FAM3A: variants seen among roughly 807,000 people sequenced by gnomAD.
FAM3A encodes the protein protein FAM3A.
A neutral mutation model predicts 18.1 loss-of-function variants in FAM3A; 5 were observed. The ratio of observed to expected loss-of-function variants is 0.28; its 90% CI spans 0.14 to 0.58. FAM3A has a LOEUF of 0.58. FAM3A is among the 20% of genes least tolerant of loss of function. The pLI is 0.91. For synonymous variants in FAM3A, 108 were observed against 90.2 expected (o/e 1.20, Z -1.12); for missense variants, 154 against 216.6 (o/e 0.71, Z 1.81).
chrX:154,512,227 CAATAATAATAATAATAATAATAAT>C lies in FAM3A; in HGVS notation c.128-380_128-357del, dbSNP rs782325424. 1.1e-4 allele frequency: 16 copies of C among 148,954 alleles called. 1 individual carries two copies. The highest frequency in any genetic ancestry group is 9.6e-4 in the East Asian group (4 of 4,160). 12.3% of individuals were successfully genotyped at this position (148,954 alleles called of 1,213,427 possible). On this transcript the variant is annotated intron_variant, in intron 2 of 8. Transcript: ENST00000447601. ...TGAAACCCCATCTCTACTAAAAATA[CAATAATAATAATAATAATAATAAT>C]AATAATAATAATAATAAGAAGAAGA...
Position 154,511,967 on chromosome X carries a change from C to T in FAM3A, c.128-96G>A. On this transcript the variant is annotated intron_variant, in intron 2 of 8. Transcript: ENST00000447601. ...TTACACCGCGAAGTGTAGACACAGGCAGTCAGGCTCAGGGGCCGGGGGCTA... is the reference window on the plus strand; with the variant it reads ...TTACACCGCGAAGTGTAGACACAGGTAGTCAGGCTCAGGGGCCGGGGGCTA... The T allele has an allele frequency of 1.6e-5, 13 of 797,478 alleles. 1 individual carries two copies. The highest frequency in any genetic ancestry group is 8.1e-5 in the African/African-American group (4 of 49,564). The allele number at this position is 797,478 out of a possible 1,213,427, so 65.7% of individuals were successfully genotyped here. A position where few individuals can be genotyped will look rare whatever the true frequency, so the allele number is the denominator to read the frequency against.
chrX:154,515,937 G>C lies in FAM3A; in HGVS notation c.-165C>G, dbSNP rs1308886879. On this transcript the variant is annotated 5_prime_UTR_variant, in exon 1 of 9. Transcript: ENST00000447601. ...GTTTGTCCAGCCGCCCGGCCAGGCAGGGCTCCTCGGAAACGCGCGGGGAAA... is the reference window on the plus strand; with the variant it reads ...GTTTGTCCAGCCGCCCGGCCAGGCACGGCTCCTCGGAAACGCGCGGGGAAA... 1 of 503,425 alleles carries C rather than the reference G, an allele frequency of 2.0e-6. No homozygotes were observed. The highest frequency in any genetic ancestry group is 3.4e-6 in the Non-Finnish European group (1 of 297,972). The allele number at this position is 503,425 out of a possible 1,213,427, so 41.5% of individuals were successfully genotyped here.
chrX:154,506,921 G>C lies in FAM3A; in HGVS notation c.598-15C>G, dbSNP rs1557218837. 8.4e-7 allele frequency: 1 copy of C among 1,189,432 alleles called. No individual in the cohort carries two copies. Among genetic ancestry groups the C allele is most frequent in the African/African-American group, 1.7e-5 (1 of 57,506 alleles). The stretch of plus-strand genomic sequence containing the variant: ...TTCTTCACGTGCTGTGGGGAGGGGA[G>C]CAGAAAGTCATGACTTTGGCCCTCA... On this transcript the variant is annotated splice_polypyrimidine_tract_variant and intron_variant, in intron 8 of 8. Coordinates refer to ENST00000447601, the MANE Select transcript of FAM3A (RefSeq NM_021806.4).
rs200730944 is a variant in FAM3A at position 154,512,843 on chromosome X, C to T, written c.107G>A (p.Arg36His). The change falls in exon 2 of 9, where the codon CGC becomes CAC. Residue 36 changes from arginine (R) to histidine (H), a missense_variant. Arg to His is a conservative substitution (Grantham distance 29). Coordinates refer to ENST00000447601, the MANE Select transcript of FAM3A (RefSeq NM_021806.4). Reference protein sequence around the residue: ...LLGGPGSGFPRIQQLFTSPES... With the variant: ...LLGGPGSGFPHIQQLFTSPES... Reference sequence around the variant, plus strand: ...CTCACTGGTGAAGAGTTGCTGGATGCGAGGAAAGCCACTGCCAGGCCCACC... The same window carrying T: ...CTCACTGGTGAAGAGTTGCTGGATGTGAGGAAAGCCACTGCCAGGCCCACC... The T allele has an allele frequency of 1.1e-4, 132 of 1,204,857 alleles. No homozygotes were observed. The highest frequency in any genetic ancestry group is 1.1e-4 in the Non-Finnish European group (98 of 890,495).
In FAM3A at chrX:154,507,324, T is replaced by C. The variant is rs1557219346; in HGVS notation, c.476A>G (p.Asn159Ser). Residue 159 changes from asparagine to serine, a missense_variant, in exon 8 of 9, where the codon AAT becomes AGT. Around this residue, in one of 3 missense-constraint regions of FAM3A, gnomAD observed 112 missense variants for 160.0 expected, o/e 0.70. Transcript: ENST00000447601. The stretch of plus-strand genomic sequence containing the variant: ...ACTGAAGAGCTTTCTGGTCTCTTCA[T>C]TCATCCTGCAGCATGGGAGGAAGGG... Reference protein sequence around the residue: ...ASYDDPATKMNEETRKLFSEL... With the variant: ...ASYDDPATKMSEETRKLFSEL... 1.7e-6 allele frequency: 2 copies of C among 1,210,169 alleles called. No individual in the cohort carries two copies. The highest frequency in any genetic ancestry group is 3.5e-5 in the African/African-American group (2 of 57,219).
rs1557223769 is a variant in FAM3A at position 154,512,949 on chromosome X, T to A, written c.14-13A>T. The A allele has an allele frequency of 1.7e-6, 2 of 1,146,252 alleles. No homozygotes were observed. The highest frequency in any genetic ancestry group is 3.6e-5 in the South Asian group (2 of 55,198). 94.5% of individuals were successfully genotyped at this position (1,146,252 alleles called of 1,213,427 possible). ...ATGCGGAGAGGGCCTGGAGGCAGGA[T>A]AGACACAGGGTGGGGTCACCTCAGA... is the stretch of plus-strand genomic sequence containing the variant. On this transcript the variant is annotated splice_polypyrimidine_tract_variant and intron_variant, in intron 1 of 8. Coordinates refer to ENST00000447601, the MANE Select transcript of FAM3A (RefSeq NM_021806.4).
At chrX:154,508,374 G>T in intron 4 of FAM3A, 27 bp from the exon 5 acceptor site, 1 of 1,095,522 alleles carries the variant, frequency 9.1e-7, no homozygotes, top group East Asian at 3.2e-5. Flanking sequence ...GGGGGGGACG[G>T]GGAGATCCCA....
In FAM3A at chrX:154,506,816, T is replaced by C. The variant is rs782608957; in HGVS notation, c.688A>G (p.Ser230Gly). The change falls in exon 9 of 9, where the codon AGC (serine) becomes GGC (glycine). Residue 230 changes from serine (S) to glycine (G), a missense_variant. Coordinates refer to ENST00000447601, the MANE Select transcript of FAM3A (RefSeq NM_021806.4). ...CGGTCCTGGCACTGGCCGTGCTAGC[T>C]GGCCGTGCTTCTCCGCGGGATACAG... ...EGCIPRRSTA[S>G] 1.8e-5 allele frequency: 22 copies of C among 1,209,278 alleles called. No individual in the cohort carries two copies. The highest frequency in any genetic ancestry group is 2.4e-5 in the Non-Finnish European group (21 of 893,122).
At position 154,506,529 on chromosome X, in the gene FAM3A, A is replaced by G; in HGVS notation, c.*282T>C. 2.9e-6 allele frequency: 1 copy of G among 345,776 alleles called. No individual in the cohort carries two copies. The highest frequency in any genetic ancestry group is 5.2e-6 in the Non-Finnish European group (1 of 193,897). 28.5% of individuals were successfully genotyped at this position (345,776 alleles called of 1,213,427 possible). A position where few individuals can be genotyped will look rare whatever the true frequency, so the allele number is the denominator to read the frequency against. On this transcript the variant is annotated 3_prime_UTR_variant, in exon 9 of 9. Transcript: ENST00000447601. ...GGGATGGAGATGGCGTGAGGAATGG[A>G]GGACAGGGCTAGATGGGCTGACCGG...
rs1478267760 is a variant in FAM3A, at chrX:154,506,624, C to T, written c.*187G>A. The T allele has an allele frequency of 1.1e-4, 50 of 438,061 alleles. No individual in the cohort carries two copies. Among genetic ancestry groups the T allele is most frequent in the African/African-American group, 8.1e-4 (33 of 40,679 alleles). 36.1% of individuals were successfully genotyped at this position (438,061 alleles called of 1,213,427 possible). A position where few individuals can be genotyped will look rare whatever the true frequency, so the allele number is the denominator to read the frequency against. ...TGACAAAGTGCGGCAGGGCTACCCC[C>T]TGCAGCCCCCATAGCCCCCACCACC... is the stretch of plus-strand genomic sequence containing the variant. On this transcript the variant is annotated 3_prime_UTR_variant, in exon 9 of 9. Coordinates refer to ENST00000447601, the MANE Select transcript of FAM3A (RefSeq NM_021806.4).
At chrX:154,511,743 A>C in intron 3 of FAM3A, 105 bp downstream of exon 3, 17 of 746,607 alleles carry the variant, frequency 2.3e-5, no homozygotes, top group Non-Finnish European at 3.3e-5. Flanking sequence ...GTGGACCACC[A>C]CAGCTGGTTT....
intron 1 of FAM3A, among the ~76,000 whole-genome samples, chrX:154,513,320 G>C (rs1341851538): frequency 1.8e-5 from 2 of 111,498 alleles, no homozygotes; most frequent in Non-Finnish European, 3.8e-5. Flanking sequence ...TGAGGGAGAA[G>C]GGTCCCTACT....
chrX:154,508,640 G>C, intron 3 of FAM3A, 43 bp from the exon 4 acceptor site: 2 of 1,166,680 alleles, frequency 1.7e-6, no homozygotes, highest in Non-Finnish European at 2.3e-6. Flanking sequence ...CTGGCCCTGA[G>C]GTCACCTGAG....
chrX:154,515,204 A>AG (rs1569555999), intron 1 of FAM3A, among the ~76,000 whole-genome samples: 1 of 112,063 alleles, frequency 8.9e-6, no homozygotes, highest in Non-Finnish European at 1.9e-5. Flanking sequence ...TTCTAGTTCC[A>AG]GCCGTGGCCT....
intron 8 of FAM3A, 127 bp from the exon 9 acceptor site, chrX:154,507,033 C>T (rs1202290806): frequency 5.6e-6 from 5 of 894,665 alleles, no homozygotes; most frequent in Non-Finnish European, 7.9e-6. Context: ...GGCACTTGGC[C>T]CCTCCACCCA....
chrX:154,506,992 T>G, intron 8 of FAM3A, 86 bp from the exon 9 acceptor site: 1 of 936,807 alleles, frequency 1.1e-6, no homozygotes, highest in Non-Finnish European at 1.5e-6. Flanking sequence ...GTCAGTCAAC[T>G]GTGCTGTGTT....
chrX:154,507,307 G>C lies in FAM3A; in HGVS notation c.493C>G (p.Leu165Val), dbSNP rs781969320. Residue 165 changes from leucine (L) to valine (V), a missense_variant, in exon 8 of 9, where the codon CTC (leucine) becomes GTC (valine). Leu to Val is a conservative substitution (Grantham distance 32). Coordinates refer to ENST00000447601, the MANE Select transcript of FAM3A (RefSeq NM_021806.4). ...ATKMNEETRK[L>V]FSELGSRNAK... The stretch of plus-strand genomic sequence containing the variant: ...TTCCTGCTGCCCAGCTCACTGAAGA[G>C]CTTTCTGGTCTCTTCATTCATCCTG... 3 of 1,211,941 alleles carry C rather than the reference G, an allele frequency of 2.5e-6. No homozygotes were observed. Among genetic ancestry groups the C allele is most frequent in the Non-Finnish European group, 3.4e-6 (3 of 895,515 alleles).
chrX:154,515,638 T>C, intron 1 of FAM3A, 122 bp downstream of exon 1: 2 of 776,553 alleles, frequency 2.6e-6, no homozygotes, highest in South Asian at 4.1e-5. Context: ...TGCAGAGTCC[T>C]CCATTTCCAA....
At position 154,506,353 on chromosome X, in the gene FAM3A, C is replaced by T. The variant is rs1321170759; in HGVS notation, c.*458G>A. ...TGAAGCAGCCACCGGGTTTGGCTCA[C>T]TGGAAGGAATCACACTGGAAACATG... On this transcript the variant is annotated 3_prime_UTR_variant, in exon 9 of 9. Transcript: ENST00000447601. 1 of 119,900 alleles carries T rather than the reference C, an allele frequency of 8.3e-6. No homozygotes were observed. The highest frequency in any genetic ancestry group is 3.2e-5 in the African/African-American group (1 of 30,949). The allele number at this position is 119,900 out of a possible 1,213,427, so 9.9% of individuals were successfully genotyped here.
Sources: gnomAD v4.1 joint callset for allele counts (sites outside exome capture counted in the v4.1 genomes callset) on GRCh38, gnomAD v4.1.1 for gene constraint, gnomAD v4.1.1 regional missense constraint, MANE v1.5 for transcripts, NCBI Gene and HGNC (gene_info 2026-07-23, HGNC 2026-07-21) for gene names.